CIPC: variants seen among roughly 807,000 people sequenced by gnomAD.
The protein encoded by CIPC is CLOCK-interacting pacemaker.
Under a neutral mutation model 26.7 loss-of-function variants are expected in CIPC, and 12 were observed. That is an observed-to-expected ratio of 0.45 (90% CI 0.29 to 0.73). CIPC has a LOEUF of 0.73. Ranked by LOEUF, CIPC falls within the 30% of genes least tolerant of loss-of-function variation. The probability of loss-of-function intolerance (pLI) is 0.12; values close to 1 mark genes in which losing one functional copy is unlikely to be tolerated. For synonymous variants in CIPC, 170 were observed against 189.8 expected, an observed-to-expected ratio of 0.90 and a Z score of 0.86; for missense variants, 417 against 486.5, an observed-to-expected ratio of 0.86 and a Z score of 1.34.
At chr14:77,109,654 A>G (rs948107625) in intron 2 of CIPC, among the ~76,000 whole-genome samples, 158 bp from the exon 3 acceptor site, 2 of 152,254 alleles carry the variant, frequency 1.3e-5, no homozygotes, top group Admixed American at 1.3e-4. Flanking sequence ...ATCCCATTGA[A>G]AAGCCAATGA....
Position 77,109,940 on chromosome 14 carries a change from C to T in CIPC, c.265C>T (p.Leu89=), listed in dbSNP as rs770482542. ...SKTAKNAFPT[L]SPMVVMKNVL... Reference sequence around the variant, plus strand: ...AACTGCAAAGAATGCCTTCCCTACCCTGTCTCCCATGGTCGTCATGAAGAA... The same window carrying T: ...AACTGCAAAGAATGCCTTCCCTACCTTGTCTCCCATGGTCGTCATGAAGAA... The change falls in exon 3 of 4, where the codon CTG becomes TTG. Residue 89 remains leucine (L), a synonymous_variant. Transcript: ENST00000361786. 17 of 1,614,094 alleles carry T rather than the reference C, an allele frequency of 1.1e-5. No individual in the cohort carries two copies. In the South Asian group the frequency reaches 1.8e-4, roughly 17 times the overall value.
chr14:77,117,106 T>C lies in CIPC; in HGVS notation c.*2788T>C, dbSNP rs1157542904. ...TAGTATTGTCTGACTTTTTATTTTC[T>C]ACTATGGTTCCTTTAGCAGAAAAGT... is the stretch of plus-strand genomic sequence containing the variant. On this transcript the variant is annotated 3_prime_UTR_variant, in exon 4 of 4. Transcript: ENST00000361786. 3 of 152,692 alleles carry C rather than the reference T, an allele frequency of 2.0e-5. No individual in the cohort carries two copies. Among genetic ancestry groups the C allele is most frequent in the Non-Finnish European group, 4.4e-5 (3 of 68,046 alleles). The allele number at this position is 152,692 out of a possible 1,614,324, so 9.5% of individuals were successfully genotyped here.
intron 1 of CIPC, among the ~76,000 whole-genome samples, chr14:77,101,331 T>A (rs1886480516): frequency 6.6e-6 from 1 of 152,170 alleles, no homozygotes; most frequent in Admixed American, 6.5e-5. Context: ...AGAGTAAAGT[T>A]TGGGGAGGGA....
At chr14:77,099,278 A>G (rs1330711326) in intron 1 of CIPC, 2 of 152,272 alleles carry the variant, frequency 1.3e-5, no homozygotes, top group Non-Finnish European at 2.9e-5. Context: ...CTCCCCTTTG[A>G]AAGGTGAAAA....
intron 1 of CIPC, among the ~76,000 whole-genome samples, chr14:77,101,234 C>T (rs1191698163): frequency 1.3e-5 from 2 of 152,086 alleles, no homozygotes; most frequent in Non-Finnish European, 2.9e-5. Context: ...GTTGAGAGCA[C>T]CAGTAGTAAG....
In CIPC at chr14:77,105,741, C is replaced by T. The variant is rs760612809; in HGVS notation, c.33C>T (p.Pro11=). The T allele has an allele frequency of 9.9e-6, 16 of 1,614,002 alleles. No homozygotes were observed. Among genetic ancestry groups the T allele is most frequent in the Non-Finnish European group, 1.3e-5 (15 of 1,179,974 alleles). MERKNPSRES[P]RRLSAKVGKG... Reference sequence around the variant, plus strand: ...GGAAAAACCCATCCAGAGAGAGCCCCAGAAGACTCTCTGCCAAAGTAGGCA... The same window carrying T: ...GGAAAAACCCATCCAGAGAGAGCCCTAGAAGACTCTCTGCCAAAGTAGGCA... Residue 11 remains proline, a synonymous_variant, in exon 2 of 4, where the codon CCC becomes CCT. Coordinates refer to ENST00000361786, the MANE Select transcript of CIPC (RefSeq NM_033426.3).
At chr14:77,103,333 T>C (rs1886528544) in intron 1 of CIPC, among the ~76,000 whole-genome samples, 1 of 152,206 alleles carries the variant, frequency 6.6e-6, no homozygotes, top group African/African-American at 2.4e-5. Context: ...CTAGATCTTA[T>C]ATTAGCAGGA....
At position 77,115,419 on chromosome 14, in the gene CIPC, G is replaced by A. The variant is rs1349555409; in HGVS notation, c.*1101G>A. 2.0e-5 allele frequency: 3 copies of A among 152,104 alleles called. No individual in the cohort carries two copies. The highest frequency in any genetic ancestry group is 1.3e-4 in the Admixed American group (2 of 15,276). The allele number at this position is 152,104 out of a possible 1,614,324, so 9.4% of individuals were successfully genotyped here. On this transcript the variant is annotated 3_prime_UTR_variant, in exon 4 of 4. Transcript: ENST00000361786. Reference sequence around the variant, plus strand: ...GTCATAGTGATGGGAAGCAGTTACAGAGCAGCGTCTTCTGTGTTTCCTTCA... The same window carrying A: ...GTCATAGTGATGGGAAGCAGTTACAAAGCAGCGTCTTCTGTGTTTCCTTCA...
Position 77,114,218 on chromosome 14 carries a change from G to T in CIPC, c.1100G>T (p.Arg367Met), listed in dbSNP as rs765092348. 3.1e-6 allele frequency: 5 copies of T among 1,614,158 alleles called. No homozygotes were observed. Among genetic ancestry groups the T allele is most frequent in the Non-Finnish European group, 3.4e-6 (4 of 1,180,038 alleles). Residue 367 changes from arginine (R) to methionine (M), a missense_variant, in exon 4 of 4, where the codon AGG becomes ATG. Transcript: ENST00000361786. Reference protein sequence around the residue: ...TQLFIEATKSRAPQAWAKLQA... With the variant: ...TQLFIEATKSMAPQAWAKLQA... The stretch of plus-strand genomic sequence containing the variant: ...CTGTTTATAGAAGCCACCAAGAGCA[G>T]GGCCCCTCAGGCTTGGGCCAAGCTG...
At chr14:77,100,242 T>TTC (rs951067934) in intron 1 of CIPC, among the ~76,000 whole-genome samples, 11 of 45,240 alleles carry the variant, frequency 2.4e-4, no homozygotes, top group East Asian at 2.6e-3. Context: ...CTTTCTTTCT[T>TTC]TTTTTTTTTT....
chr14:77,110,184 T>C (rs192903424), intron 3 of CIPC, among the ~76,000 whole-genome samples: 53 of 152,264 alleles, frequency 3.5e-4, no homozygotes, highest in African/African-American at 1.2e-3. Context: ...ATAAGAATCA[T>C]GACATGCGTT....
intron 1 of CIPC, 40 bp from the exon 2 acceptor site, chr14:77,105,617 C>A: frequency 7.2e-7 from 1 of 1,382,034 alleles, no homozygotes. Flanking sequence ...CCTGTTTCAG[C>A]TCTCCAGGCA....
At position 77,114,690 on chromosome 14, in the gene CIPC, C is replaced by A; in HGVS notation, c.*372C>A. 5.2e-6 allele frequency: 1 copy of A among 193,106 alleles called. No individual in the cohort carries two copies. Among genetic ancestry groups the A allele is most frequent in the Non-Finnish European group, 1.1e-5 (1 of 92,118 alleles). 12.0% of individuals were successfully genotyped at this position (193,106 alleles called of 1,614,324 possible). On this transcript the variant is annotated 3_prime_UTR_variant, in exon 4 of 4. Coordinates refer to ENST00000361786, the MANE Select transcript of CIPC (RefSeq NM_033426.3). Reference sequence around the variant, plus strand: ...GGGTACAGTAACACGAATGAGCATACAGAGCAACACCTGTTGAGCCAGGGA... The same window carrying A: ...GGGTACAGTAACACGAATGAGCATAAAGAGCAACACCTGTTGAGCCAGGGA...
At chr14:77,110,107 A>G in intron 3 of CIPC, 126 bp downstream of exon 3, 1 of 850,290 alleles carries the variant, frequency 1.2e-6, no homozygotes, top group Non-Finnish European at 1.8e-6. Flanking sequence ...GAACCACACC[A>G]ATGTGTACTT....
rs1431721764 is a variant in CIPC at position 77,115,426 on chromosome 14, G to A, written c.*1108G>A. On this transcript the variant is annotated 3_prime_UTR_variant, in exon 4 of 4. Transcript: ENST00000361786. ...TGATGGGAAGCAGTTACAGAGCAGCGTCTTCTGTGTTTCCTTCATGTGTTA... is the reference window on the plus strand; with the variant it reads ...TGATGGGAAGCAGTTACAGAGCAGCATCTTCTGTGTTTCCTTCATGTGTTA... 1 of 152,084 alleles carries A rather than the reference G, an allele frequency of 6.6e-6. No homozygotes were observed. The highest frequency in any genetic ancestry group is 1.9e-4 in the East Asian group (1 of 5,200). The allele number at this position is 152,084 out of a possible 1,614,324, so 9.4% of individuals were successfully genotyped here. A position where few individuals can be genotyped will look rare whatever the true frequency, so the allele number is the denominator to read the frequency against.
In CIPC at chr14:77,114,241, C is replaced by A; in HGVS notation, c.1123C>A (p.Leu375Met). 1 of 1,614,118 alleles carries A rather than the reference C, an allele frequency of 6.2e-7. No individual in the cohort carries two copies. The highest frequency in any genetic ancestry group is 1.6e-4 in the Middle Eastern group (1 of 6,062). Reference sequence around the variant, plus strand: ...CAGGGCCCCTCAGGCTTGGGCCAAGCTGCAGGCATCTTTAACACCTGGGTC... The same window carrying A: ...CAGGGCCCCTCAGGCTTGGGCCAAGATGCAGGCATCTTTAACACCTGGGTC... ...KSRAPQAWAK[L>M]QASLTPGSSN... The change falls in exon 4 of 4, where the codon CTG becomes ATG. Residue 375 changes from leucine to methionine, a missense_variant. Physicochemically the swap from Leu to Met is conservative, Grantham distance 15 (BLOSUM62 2). Coordinates refer to ENST00000361786, the MANE Select transcript of CIPC (RefSeq NM_033426.3).
In CIPC at chr14:77,116,271, A is replaced by G. The variant is rs755987123; in HGVS notation, c.*1953A>G. ...CTTTAGGCAGATTCAGCTCCTTTTA[A>G]TATTTTTCTCTTGGCCCACTCTCTT... On this transcript the variant is annotated 3_prime_UTR_variant, in exon 4 of 4. Transcript: ENST00000361786. 3 of 152,126 alleles carry G rather than the reference A, an allele frequency of 2.0e-5. No homozygotes were observed. Among genetic ancestry groups the G allele is most frequent in the Non-Finnish European group, 4.4e-5 (3 of 68,032 alleles). The allele number at this position is 152,126 out of a possible 1,614,324, so 9.4% of individuals were successfully genotyped here.
At position 77,109,914 on chromosome 14, in the gene CIPC, A is replaced by G; in HGVS notation, c.239A>G (p.Lys80Arg). ...SREDRPRQNS[K>R]TAKNAFPTLS... ...GAAGACAGGCCGAGGCAGAACTCCA[A>G]AACTGCAAAGAATGCCTTCCCTACC... is the stretch of plus-strand genomic sequence containing the variant. Residue 80 changes from lysine to arginine, a missense_variant, in exon 3 of 4, where the codon AAA (lysine) becomes AGA (arginine). By Grantham distance (26) the Lys-to-Arg change is conservative. Coordinates refer to ENST00000361786, the MANE Select transcript of CIPC (RefSeq NM_033426.3). 1 of 1,614,214 alleles carries G rather than the reference A, an allele frequency of 6.2e-7. No individual in the cohort carries two copies. Among genetic ancestry groups the G allele is most frequent in the Non-Finnish European group, 8.5e-7 (1 of 1,180,026 alleles).
In CIPC at chr14:77,113,574, C is replaced by T; in HGVS notation, c.456C>T (p.Asn152=). The T allele has an allele frequency of 6.2e-7, 1 of 1,614,246 alleles. No individual in the cohort carries two copies. Among genetic ancestry groups the T allele is most frequent in the Non-Finnish European group, 8.5e-7 (1 of 1,180,048 alleles). ...HTGEKKSDSR[N]YLPILNSYTK... is the part of the protein sequence containing the mutation. Reference sequence around the variant, plus strand: ...GTGAGAAAAAGTCCGACTCCAGGAACTACTTGCCCATTCTGAATTCTTACA... The same window carrying T: ...GTGAGAAAAAGTCCGACTCCAGGAATTACTTGCCCATTCTGAATTCTTACA... The change falls in exon 4 of 4, where the codon AAC becomes AAT. Residue 152 remains asparagine, a synonymous_variant. Transcript: ENST00000361786.
Sources: gnomAD v4.1 joint callset for allele counts (sites outside exome capture counted in the v4.1 genomes callset) on GRCh38, gnomAD v4.1.1 for gene constraint, MANE v1.5 for transcripts, NCBI Gene and HGNC (gene_info 2026-07-23, HGNC 2026-07-21) for gene names.